NID2: variants seen among roughly 807,000 people sequenced by gnomAD.
The protein encoded by NID2 is nidogen 2.
A neutral mutation model predicts 145.4 loss-of-function variants in NID2; 83 were observed. The ratio of observed to expected loss-of-function variants is 0.57; its 90% CI spans 0.48 to 0.69. The LOEUF (loss-of-function observed/expected upper bound fraction) is 0.69. Ranked by LOEUF, NID2 falls within the 30% of genes least tolerant of loss-of-function variation. NID2 has a pLI of 0.00. For missense variants in NID2, 1,807 were observed against 1,765.7 expected (o/e 1.02, Z -0.42); for synonymous variants, 739 against 701.3 (o/e 1.05, Z -0.85).
At chr14:52,022,228 C>T (rs1292664961) in intron 12 of NID2, among the ~76,000 whole-genome samples, 1 of 150,284 alleles carries the variant, frequency 6.7e-6, no homozygotes, top group African/African-American at 2.5e-5. Flanking sequence ...CCTTCCTCCC[C>T]ACAGATACTG....
At chr14:52,020,957 CT>C (rs1314261911) in intron 12 of NID2, among the ~76,000 whole-genome samples, 2 of 152,024 alleles carry the variant, frequency 1.3e-5, no homozygotes, top group African/African-American at 4.8e-5. Context: ...ACTTACATTC[CT>C]TTTATTTAAT....
intron 9 of NID2, among the ~76,000 whole-genome samples, chr14:52,030,586 G>GT (rs1891807687): frequency 4.1e-5 from 1 of 24,276 alleles, no homozygotes; most frequent in Non-Finnish European, 7.6e-5. Flanking sequence ...GGGAAAGAAA[G>GT]AAAGAAAGAA....
intron 20 of NID2, 129 bp downstream of exon 20, chr14:52,006,405 TGAG>T (rs1264842414): frequency 1.1e-6 from 1 of 902,800 alleles, no homozygotes; most frequent in South Asian, 1.7e-5. Context: ...TATCTGCCAA[TGAG>T]GAGGTGATGA....
chr14:52,041,050 T>C (rs537952493), intron 7 of NID2, among the ~76,000 whole-genome samples, 199 bp from the exon 8 acceptor site: 19 of 152,348 alleles, frequency 1.2e-4, no homozygotes, highest in African/African-American at 2.9e-4. Context: ...GGTTTCATCC[T>C]GCCTTACCTC....
intron 8 of NID2, among the ~76,000 whole-genome samples, chr14:52,039,510 C>A (rs1180703971): frequency 6.6e-6 from 1 of 152,238 alleles, no homozygotes; most frequent in Non-Finnish European, 1.5e-5. Context: ...TTGTCTCTCA[C>A]CATCTGAGTC....
chr14:52,019,228 G>A lies in NID2; in HGVS notation c.2861C>T (p.Pro954Leu), dbSNP rs369346124. 1 of 1,612,666 alleles carries A rather than the reference G, an allele frequency of 6.2e-7. No individual in the cohort carries two copies. Among genetic ancestry groups the A allele is most frequent in the Non-Finnish European group, 8.5e-7 (1 of 1,178,762 alleles). The change falls in exon 14 of 22, where the codon CCT (proline) becomes CTT (leucine). Residue 954 changes from proline (P) to leucine (L), a missense_variant. By Grantham distance (98) the Pro-to-Leu change is moderately conservative. Transcript: ENST00000216286. ...TTGGGGGATGTGGAACCGGGCCCCA[G>A]GGTAGGCATACTGGGCCTGGGCATG... ...QRHAQAQYAY[P>L]GARFHIPQCD...
intron 2 of NID2, among the ~76,000 whole-genome samples, chr14:52,066,318 T>G (rs1390755059): frequency 7.2e-6 from 1 of 139,158 alleles, no homozygotes; most frequent in African/African-American, 2.8e-5. Flanking sequence ...AGTTAACGGG[T>G]ACCAAAAAAA....
At chr14:52,063,616 C>T (rs1595058520) in intron 2 of NID2, among the ~76,000 whole-genome samples, 2 of 152,148 alleles carry the variant, frequency 1.3e-5, no homozygotes, top group Non-Finnish European at 2.9e-5. Context: ...CCTATAGAGG[C>T]TTATCAAAAT....
intron 5 of NID2, among the ~76,000 whole-genome samples, chr14:52,049,448 A>G (rs1892614438): frequency 9.2e-6 from 1 of 109,272 alleles, no homozygotes; most frequent in African/African-American, 3.3e-5. Context: ...GCCCTGGGCC[A>G]GACACAGGGG....
intron 8 of NID2, among the ~76,000 whole-genome samples, chr14:52,039,606 C>T (rs1157441266): frequency 6.6e-6 from 1 of 152,202 alleles, no homozygotes; most frequent in Non-Finnish European, 1.5e-5. Flanking sequence ...TTCCCTACAT[C>T]TCCTGCCAGG....
At chr14:52,033,622 C>CA (rs1891954435) in intron 9 of NID2, among the ~76,000 whole-genome samples, 3 of 152,256 alleles carry the variant, frequency 2.0e-5, no homozygotes, top group African/African-American at 2.4e-5. Flanking sequence ...CAACAACTAT[C>CA]GTTCCCTCTG....
chr14:52,035,971 A>C (rs1892057329), intron 9 of NID2, among the ~76,000 whole-genome samples: 1 of 149,082 alleles, frequency 6.7e-6, no homozygotes, highest in South Asian at 2.1e-4. Flanking sequence ...AGCCTCCCAA[A>C]GTGCTGGGAT....
intron 12 of NID2, among the ~76,000 whole-genome samples, chr14:52,025,833 G>A (rs188480957): frequency 1.5e-4 from 19 of 123,462 alleles, no homozygotes; most frequent in Admixed American, 1.2e-3. Context: ...ACAGTGGAAT[G>A]TAAGTTTCAA....
chr14:52,054,332 A>G lies in NID2; in HGVS notation c.768-11T>C. 5.0e-6 allele frequency: 8 copies of G among 1,603,714 alleles called. No individual in the cohort carries two copies. Among genetic ancestry groups the G allele is most frequent in the Non-Finnish European group, 6.8e-6 (8 of 1,173,626 alleles). ...CCCAGGTTGCTTAGTCTAAATAAAA[A>G]GGAAACAGTCATTGTAACAAATGTA... On this transcript the variant is annotated splice_polypyrimidine_tract_variant and intron_variant, in intron 3 of 21. Coordinates refer to ENST00000216286, the MANE Select transcript of NID2 (RefSeq NM_007361.4).
chr14:52,038,163 T>C (rs779520619), intron 9 of NID2, among the ~76,000 whole-genome samples: 2 of 152,224 alleles, frequency 1.3e-5, no homozygotes, highest in Non-Finnish European at 2.9e-5. Flanking sequence ...CAGACATCCT[T>C]GTCTTGTTCC....
intron 14 of NID2, among the ~76,000 whole-genome samples, chr14:52,018,328 T>C (rs1891286399): frequency 1.3e-5 from 2 of 152,206 alleles, no homozygotes; most frequent in South Asian, 4.1e-4. Flanking sequence ...TCTGTAATGA[T>C]TAAAGAAACA....
In NID2 at chr14:52,010,849, GAGA is replaced by G. The variant is rs771606708; in HGVS notation, c.3722+24_3722+26del. 2.1e-4 allele frequency: 345 copies of G among 1,605,832 alleles called. 7 individuals carry two copies. In the South Asian group the frequency reaches 3.6e-3, roughly 17 times the overall value. ...GCTTCACATCAGGATCTACAGGTAA[GAGA>G]AGAATTAGGGAAGCCCAGCTGACCC... On this transcript the variant is annotated intron_variant, in intron 18 of 21. Transcript: ENST00000216286.
chr14:52,026,746 G>A (rs1051836986), intron 12 of NID2, among the ~76,000 whole-genome samples: 3 of 152,178 alleles, frequency 2.0e-5, no homozygotes, highest in Admixed American at 6.5e-5. Flanking sequence ...GTTTTGATAT[G>A]TGTCTTTTTA....
Position 52,011,682 on chromosome 14 carries a change from C to G in NID2, c.3422G>C (p.Gly1141Ala). 1 of 1,614,118 alleles carries G rather than the reference C, an allele frequency of 6.2e-7. No homozygotes were observed. Among genetic ancestry groups the G allele is most frequent in the Non-Finnish European group, 8.5e-7 (1 of 1,180,010 alleles). The change falls in exon 17 of 22, where the codon GGC (glycine) becomes GCC (alanine). Residue 1141 changes from glycine (G) to alanine (A), a missense_variant and splice_region_variant. Gly to Ala is a moderately conservative substitution (Grantham distance 60, BLOSUM62 0). Coordinates refer to ENST00000216286, the MANE Select transcript of NID2 (RefSeq NM_007361.4). ...DAAKTLLSLH[G>A]SIIVGIDYDC... ...GTAATCAATTCCCACGATTATGGAG[C>G]CCTTTGTGCATCAAATCATAGAATT...
Sources: gnomAD v4.1 joint callset for allele counts (sites outside exome capture counted in the v4.1 genomes callset) on GRCh38, gnomAD v4.1.1 for gene constraint, MANE v1.5 for transcripts, NCBI Gene and HGNC (gene_info 2026-07-23, HGNC 2026-07-21) for gene names.